Variants in OSBPL3 observed in about 807,000 individuals in gnomAD.
OSBPL3 encodes the protein oxysterol binding protein like 3.
A neutral mutation model predicts 120.1 loss-of-function variants in OSBPL3; 65 were observed. The ratio of observed to expected loss-of-function variants is 0.54; its 90% CI spans 0.44 to 0.67. The LOEUF (loss-of-function observed/expected upper bound fraction) is 0.67. Ranked by LOEUF, OSBPL3 falls within the 30% of genes least tolerant of loss-of-function variation. OSBPL3 has a pLI of 0.00. For missense variants in OSBPL3, 1,004 were observed against 1,082.1 expected, an observed-to-expected ratio of 0.93 and a Z score of 1.01; for synonymous variants, 416 against 402.6, an observed-to-expected ratio of 1.03 and a Z score of -0.40.
chr7:24,839,664 A>C (rs777016743), intron 14 of OSBPL3, among the ~76,000 whole-genome samples: 4 of 152,168 alleles, frequency 2.6e-5, no homozygotes, highest in Non-Finnish European at 5.9e-5. Context: ...CCATATTCTA[A>C]CATGTCCTGA....
In OSBPL3 at chr7:24,918,738, A is replaced by G. The variant is rs1810028940; in HGVS notation, c.-149-26117T>C. On this transcript the variant is annotated intron_variant, in intron 1 of 22. Transcript: ENST00000313367. The surrounding 1 kb of genome is among the most constrained non-coding windows in gnomAD (Gnocchi z 4.3). ...TGAAACATTATACAAATATCACAGC[A>G]TAGACTAGAAAATTCAGTAATTCCA... 6.6e-6 allele frequency among the ~76,000 whole-genome samples: 1 copy of G among 152,224 alleles called. No individual in the cohort carries two copies. The highest frequency in any genetic ancestry group is 2.4e-5 in the African/African-American group (1 of 41,456).
chr7:24,834,627 G>A lies in OSBPL3; in HGVS notation c.1605C>T (p.Asn535=). The part of the protein sequence containing the change: ...NISLWNILRN[N]IGKDLSKVAM... Reference sequence around the variant, plus strand: ...CCACCTTGGACAGGTCCTTCCCGATGTTGTTCCTCAGGATGTTCCACAGGC... The same window carrying A: ...CCACCTTGGACAGGTCCTTCCCGATATTGTTCCTCAGGATGTTCCACAGGC... The change falls in exon 15 of 23, where the codon AAC becomes AAT. Residue 535 remains asparagine, a synonymous_variant. Transcript: ENST00000313367. This position sits in a 1 kb window ranked among gnomAD's most constrained non-coding sequence, Gnocchi z 5.2. 4 of 1,614,190 alleles carry A rather than the reference G, an allele frequency of 2.5e-6. No homozygotes were observed. The highest frequency in any genetic ancestry group is 2.2e-5 in the South Asian group (2 of 91,084).
In OSBPL3 at chr7:24,964,263, G is replaced by C. The variant is rs1816126447; in HGVS notation, c.-150+15623C>G. 6.6e-6 allele frequency among the ~76,000 whole-genome samples: 1 copy of C among 152,112 alleles called. No homozygotes were observed. ...CTGTGCATAATAACTTACTTCCAAA[G>C]AGTATAGTATGGAAAGGCGAAGAAA... On this transcript the variant is annotated intron_variant, in intron 1 of 22. Transcript: ENST00000313367. This position sits in a 1 kb window ranked among gnomAD's most constrained non-coding sequence, Gnocchi z 4.2.
Position 24,883,202 on chromosome 7 carries a change from G to A in OSBPL3, c.96+9175C>T, listed in dbSNP as rs577961591. 6.6e-6 allele frequency among the ~76,000 whole-genome samples: 1 copy of A among 152,312 alleles called. No homozygotes were observed. Among genetic ancestry groups the A allele is most frequent in the African/African-American group, 2.4e-5 (1 of 41,564 alleles). ...GAACAGAGAGGAGGTGATTTAGGGT[G>A]ATGTGGGCTTGTGAACAGATGCAGT... On this transcript the variant is annotated intron_variant, in intron 2 of 22. Coordinates refer to ENST00000313367, the MANE Select transcript of OSBPL3 (RefSeq NM_015550.4). The surrounding 1 kb of genome is among the most constrained non-coding windows in gnomAD (Gnocchi z 5.4).
At position 24,815,275 on chromosome 7, in the gene OSBPL3, T is replaced by C. The variant is rs1794332045; in HGVS notation, c.2028-72A>G. 6.5e-6 allele frequency: 8 copies of C among 1,223,602 alleles called. No homozygotes were observed. The highest frequency in any genetic ancestry group is 9.5e-6 in the Non-Finnish European group (8 of 842,554). 75.8% of individuals were successfully genotyped at this position (1,223,602 alleles called of 1,614,324 possible). A position where few individuals can be genotyped will look rare whatever the true frequency, so the allele number is the denominator to read the frequency against. ...CAGCAAATGCAAACAAACTCTGCTC[T>C]TTTATAAAATAAGTCATGCAATGCA... On this transcript the variant is annotated intron_variant, in intron 18 of 22. Transcript: ENST00000313367. This position sits in a 1 kb window ranked among gnomAD's most constrained non-coding sequence, Gnocchi z 5.1.
chr7:24,906,251 C>A, intron 1 of OSBPL3: 2 of 275,832 alleles, frequency 7.3e-6, no homozygotes, highest in South Asian at 3.4e-5. Context: ...GAGCAGGTCC[C>A]ACTGGCATCA....
rs1818131619 is a variant in OSBPL3, at chr7:24,980,138, C to T, written c.-402G>A. ...TCCCGGGCCGGCTGGCGGGCGCCAC[C>T]AGCACGCGGCCAGTTCTGAGTACTT... On this transcript the variant is annotated 5_prime_UTR_variant, in exon 1 of 23. Coordinates refer to ENST00000313367, the MANE Select transcript of OSBPL3 (RefSeq NM_015550.4). 2 of 716,064 alleles carry T rather than the reference C, an allele frequency of 2.8e-6. No individual in the cohort carries two copies. The highest frequency in any genetic ancestry group is 3.4e-6 in the Non-Finnish European group (2 of 583,854). The allele number at this position is 716,064 out of a possible 1,614,324, so 44.4% of individuals were successfully genotyped here. A position where few individuals can be genotyped will look rare whatever the true frequency, so the allele number is the denominator to read the frequency against.
intron 1 of OSBPL3, among the ~76,000 whole-genome samples, chr7:24,948,528 G>C (rs1814012458): frequency 6.6e-6 from 1 of 152,184 alleles, no homozygotes; most frequent in South Asian, 2.1e-4. Context: ...TACAGAATCA[G>C]ATGGTGTATA....
rs542780932 is a variant in OSBPL3 at position 24,868,016 on chromosome 7, T to C, written c.382-1779A>G. 1.6e-3 allele frequency among the ~76,000 whole-genome samples: 249 copies of C among 152,312 alleles called. 1 individual carries two copies. Among genetic ancestry groups the C allele is most frequent in the African/African-American group, 5.9e-3 (245 of 41,574 alleles). On this transcript the variant is annotated intron_variant, in intron 5 of 22. Coordinates refer to ENST00000313367, the MANE Select transcript of OSBPL3 (RefSeq NM_015550.4). ...ATAACAAGCACCTATATACCATAGA[T>C]ATTTCTTAAAAGTCAATTTTGGCTG...
At chr7:24,917,042 G>A (rs1426437758) in intron 1 of OSBPL3, among the ~76,000 whole-genome samples, 1 of 152,050 alleles carries the variant, frequency 6.6e-6, no homozygotes, top group Non-Finnish European at 1.5e-5. Flanking sequence ...AGTAGAGGGG[G>A]CTGCACCCAT....
rs1794322329 is a variant in OSBPL3, at chr7:24,815,207, A to C, written c.2028-4T>G. Reference sequence around the variant, plus strand: ...CCACTCAAAATGATCCCCAAAACTAAAAAGAAGGAAAAAGTAGAAGTACCA... The same window carrying C: ...CCACTCAAAATGATCCCCAAAACTACAAAGAAGGAAAAAGTAGAAGTACCA... On this transcript the variant is annotated splice_polypyrimidine_tract_variant and splice_region_variant and intron_variant, in intron 18 of 22. Transcript: ENST00000313367. This position sits in a 1 kb window ranked among gnomAD's most constrained non-coding sequence, Gnocchi z 5.1. 6.2e-7 allele frequency: 1 copy of C among 1,610,568 alleles called. No individual in the cohort carries two copies. The highest frequency in any genetic ancestry group is 1.3e-5 in the African/African-American group (1 of 74,950).
intron 1 of OSBPL3, among the ~76,000 whole-genome samples, chr7:24,954,273 T>G (rs2081517480): frequency 6.6e-6 from 1 of 152,212 alleles, no homozygotes; most frequent in Admixed American, 6.5e-5. Flanking sequence ...GTGAAGTTAT[T>G]TATTCTCTGC....
rs1295076694 is a variant in OSBPL3 at position 24,898,133 on chromosome 7, G to T, written c.-149-5512C>A. Among the ~76,000 whole-genome samples the T allele has an allele frequency of 6.6e-6, 1 of 152,162 alleles. No individual in the cohort carries two copies. Among genetic ancestry groups the T allele is most frequent in the African/African-American group, 2.4e-5 (1 of 41,442 alleles). On this transcript the variant is annotated intron_variant, in intron 1 of 22. Coordinates refer to ENST00000313367, the MANE Select transcript of OSBPL3 (RefSeq NM_015550.4). The surrounding 1 kb of genome is among the most constrained non-coding windows in gnomAD (Gnocchi z 4.3). The stretch of plus-strand genomic sequence containing the variant: ...CAAATGGTACCCTCTGAAACACCCT[G>T]ATTTCAAAAATGTTACATGGTCAAA...
At position 24,851,774 on chromosome 7, in the gene OSBPL3, G is replaced by C. The variant is rs947463965; in HGVS notation, c.1158+730C>G. On this transcript the variant is annotated intron_variant, in intron 11 of 22. Transcript: ENST00000313367. The surrounding 1 kb of genome is among the most constrained non-coding windows in gnomAD (Gnocchi z 4.1). ...AGATAACTTTATTCAAATAGAGGTA[G>C]GACATGGCACTTTAATGGAGCCTAA... is the stretch of plus-strand genomic sequence containing the variant. 1.3e-5 allele frequency among the ~76,000 whole-genome samples: 2 copies of C among 151,928 alleles called. No homozygotes were observed. Among genetic ancestry groups the C allele is most frequent in the Non-Finnish European group, 2.9e-5 (2 of 68,002 alleles).
rs987239394 is a variant in OSBPL3, at chr7:24,819,762, C to T, written c.1948+413G>A. Among the ~76,000 whole-genome samples the T allele has an allele frequency of 1.1e-4, 16 of 151,928 alleles. No individual in the cohort carries two copies. Among genetic ancestry groups the T allele is most frequent in the African/African-American group, 3.9e-4 (16 of 41,322 alleles). On this transcript the variant is annotated intron_variant, in intron 17 of 22. Transcript: ENST00000313367. This position sits in a 1 kb window ranked among gnomAD's most constrained non-coding sequence, Gnocchi z 4.1. ...TTCTTTAGAAGATTTACCCACCCAACCCCAACTCAAAATATAAACTGAACA... is the reference window on the plus strand; with the variant it reads ...TTCTTTAGAAGATTTACCCACCCAATCCCAACTCAAAATATAAACTGAACA...
At chr7:24,928,171 G>A (rs1811300067) in intron 1 of OSBPL3, among the ~76,000 whole-genome samples, 2 of 150,508 alleles carry the variant, frequency 1.3e-5, no homozygotes, top group African/African-American at 2.5e-5. Flanking sequence ...TGAGAATGGT[G>A]AGCCAATTAA....
At chr7:24,945,080 A>C (rs1327109852) in intron 1 of OSBPL3, among the ~76,000 whole-genome samples, 1 of 152,204 alleles carries the variant, frequency 6.6e-6, no homozygotes, top group Non-Finnish European at 1.5e-5. Context: ...TCTTGGGTGG[A>C]GTTTACCACC....
In OSBPL3 at chr7:24,849,068, C is replaced by T. The variant is rs1189406390; in HGVS notation, c.1266+1G>A. Reference sequence around the variant, plus strand: ...CATTACCAGACGAGAAACCTACCCACCTCTGCCAGATTGTCACCCGACTTG... The same window carrying T: ...CATTACCAGACGAGAAACCTACCCATCTCTGCCAGATTGTCACCCGACTTG... On this transcript the variant is annotated splice_donor_variant, in intron 12 of 22. Coordinates refer to ENST00000313367, the MANE Select transcript of OSBPL3 (RefSeq NM_015550.4). LOFTEE classifies it high-confidence loss of function. This position sits in a 1 kb window ranked among gnomAD's most constrained non-coding sequence, Gnocchi z 5.4. 4 of 1,610,752 alleles carry T rather than the reference C, an allele frequency of 2.5e-6. No homozygotes were observed. Among genetic ancestry groups the T allele is most frequent in the South Asian group, 1.1e-5 (1 of 90,956 alleles).
At chr7:24,906,555 T>G (rs1807958419) in intron 1 of OSBPL3, 1 of 157,202 alleles carries the variant, frequency 6.4e-6, no homozygotes, top group Non-Finnish European at 1.4e-5. Flanking sequence ...GAGTCATGAG[T>G]GAGGTATTTA....
Sources: gnomAD v4.1 joint callset for allele counts (sites outside exome capture counted in the v4.1 genomes callset) on GRCh38, gnomAD v4.1.1 for gene constraint, Gnocchi (gnomAD v3.1) non-coding constraint, MANE v1.5 for transcripts, NCBI Gene and HGNC (gene_info 2026-07-23, HGNC 2026-07-21) for gene names.